Variants in CDH12 observed in about 807,000 individuals in gnomAD.
CDH12 encodes the protein cadherin 12, also known as cadherin-12.
A neutral mutation model predicts 74.1 loss-of-function variants in CDH12; 41 were observed. That is an observed-to-expected ratio of 0.55 (90% confidence interval 0.43 to 0.72). The LOEUF is 0.72. Among genes scored for constraint, CDH12 ranks in the 30% least tolerant of loss-of-function variants. The pLI is 0.00. For synonymous variants in CDH12, 399 were observed against 355.0 expected (o/e 1.12, Z -1.39); for missense variants, 945 against 977.2 (o/e 0.97, Z 0.44).
intron 4 of CDH12, among the ~76,000 whole-genome samples, chr5:22,173,440 C>A (rs1244587895): frequency 1.4e-5 from 2 of 147,636 alleles, no homozygotes; most frequent in African/African-American, 4.9e-5. Context: ...ATAAATATTT[C>A]AAATGCTTTA....
chr5:22,137,060 T>A (rs949543213), intron 4 of CDH12, among the ~76,000 whole-genome samples: 5 of 151,572 alleles, frequency 3.3e-5, no homozygotes, highest in African/African-American at 1.2e-4. Flanking sequence ...AGTGTGAATA[T>A]CTCTCTATGA....
chr5:22,361,016 G>A (rs996284565), intron 3 of CDH12, among the ~76,000 whole-genome samples: 5 of 152,112 alleles, frequency 3.3e-5, no homozygotes, highest in African/African-American at 9.7e-5. Context: ...TTAAAAACTG[G>A]CAAAAGACAG....
chr5:21,767,626 G>A (rs1745100178), intron 11 of CDH12, among the ~76,000 whole-genome samples: 1 of 151,364 alleles, frequency 6.6e-6, no homozygotes, highest in South Asian at 2.1e-4. Context: ...AATGTCACAA[G>A]GCATCATTGT....
intron 4 of CDH12, among the ~76,000 whole-genome samples, chr5:22,131,138 G>A (rs766454423): frequency 6.6e-6 from 1 of 152,054 alleles, no homozygotes; most frequent in African/African-American, 2.4e-5. Flanking sequence ...TAATATTAAA[G>A]CTGCTATGAA....
chr5:22,552,393 A>T (rs180686949), intron 1 of CDH12, among the ~76,000 whole-genome samples: 1 of 151,952 alleles, frequency 6.6e-6, no homozygotes, highest in Admixed American at 6.6e-5. Context: ...CTCCTTCAGG[A>T]GAAAAATGAA....
At chr5:22,048,323 A>G (rs1250773714) in intron 5 of CDH12, among the ~76,000 whole-genome samples, 1 of 152,214 alleles carries the variant, frequency 6.6e-6, no homozygotes, top group Admixed American at 6.5e-5. Flanking sequence ...AGAAATTGAG[A>G]TAGAGTACTG....
chr5:22,546,407 T>C (rs566969417), intron 1 of CDH12, among the ~76,000 whole-genome samples: 2 of 152,154 alleles, frequency 1.3e-5, no homozygotes, highest in Non-Finnish European at 2.9e-5. Flanking sequence ...GTCTGAAAGC[T>C]CTGTAGCATG....
chr5:21,987,922 GA>G (rs201557252), intron 5 of CDH12, among the ~76,000 whole-genome samples: 3,664 of 151,286 alleles, frequency 0.024, 73 homozygotes, highest in Middle Eastern at 0.038. Context: ...ATCAGAAAGG[GA>G]AAAAAAATCT....
intron 5 of CDH12, among the ~76,000 whole-genome samples, chr5:22,041,264 G>C (rs911117016): frequency 6.6e-6 from 1 of 151,934 alleles, no homozygotes; most frequent in Non-Finnish European, 1.5e-5. Flanking sequence ...GGGGAAAAAA[G>C]GATCTACAAA....
At chr5:22,387,933 CACTAAG>C (rs954376665) in intron 3 of CDH12, among the ~76,000 whole-genome samples, 3 of 152,020 alleles carry the variant, frequency 2.0e-5, no homozygotes, top group Admixed American at 1.3e-4. Flanking sequence ...TAGAGATTGT[CACTAAG>C]ACTATCAGGC....
chr5:21,978,721 T>C (rs1757174279), intron 5 of CDH12, among the ~76,000 whole-genome samples: 1 of 152,188 alleles, frequency 6.6e-6, no homozygotes, highest in African/African-American at 2.4e-5. Flanking sequence ...TCTGTATTCC[T>C]TCATAAACTG....
chr5:22,097,544 T>C (rs1743861459), intron 4 of CDH12, among the ~76,000 whole-genome samples: 1 of 152,034 alleles, frequency 6.6e-6, no homozygotes, highest in African/African-American at 2.4e-5. Flanking sequence ...ACTTAGACAA[T>C]ACTCTTTTAA....
Position 22,129,617 on chromosome 5 carries a change from C to CT in CDH12, c.-186-50756dup, listed in dbSNP as rs571023659. ...TTAAGACAAAGATAGCGGGCATGCT[C>CT]TTTCATCTATCTATCCCTGGCCCTT... is the stretch of plus-strand genomic sequence containing the variant. On this transcript the variant is annotated intron_variant, in intron 4 of 14. Transcript: ENST00000382254. Among the ~76,000 whole-genome samples, 283 of 152,238 alleles carry CT rather than the reference C, an allele frequency of 1.9e-3. 4 individuals carry two copies. Among genetic ancestry groups the CT allele is most frequent in the African/African-American group, 6.3e-3 (262 of 41,556 alleles).
At chr5:22,836,733 G>A (rs368123613) in intron 1 of CDH12, among the ~76,000 whole-genome samples, 3 of 152,014 alleles carry the variant, frequency 2.0e-5, no homozygotes, top group African/African-American at 7.2e-5. Flanking sequence ...TAAAATTGCC[G>A]CAATTCCATT....
chr5:22,348,835 C>G (rs1039271024), intron 3 of CDH12, among the ~76,000 whole-genome samples: 13 of 152,134 alleles, frequency 8.5e-5, no homozygotes, highest in Non-Finnish European at 1.5e-5. Flanking sequence ...ATGCCGTGAG[C>G]CTTCCATTCC....
Position 22,555,582 on chromosome 5 carries a change from T to C in CDH12, c.-522-50218A>G, listed in dbSNP as rs1434074806. Among the ~76,000 whole-genome samples, 5 of 152,068 alleles carry C rather than the reference T, an allele frequency of 3.3e-5. No homozygotes were observed. The East Asian group carries it at 7.7e-4, about 23-fold the overall frequency. On this transcript the variant is annotated intron_variant, in intron 1 of 14. Transcript: ENST00000382254. Reference sequence around the variant, plus strand: ...ATTTTTTAGAATCATGGATTTTAAATATAAAATAATTAAGCAAAAGATCTT... The same window carrying C: ...ATTTTTTAGAATCATGGATTTTAAACATAAAATAATTAAGCAAAAGATCTT...
At chr5:22,740,905 C>T (rs957950595) in intron 1 of CDH12, among the ~76,000 whole-genome samples, 11 of 151,992 alleles carry the variant, frequency 7.2e-5, no homozygotes, top group African/African-American at 2.7e-4. Context: ...ATTAAATGAA[C>T]ATTGAGATAT....
chr5:22,698,121 G>GTTTTTTTTT (rs1561585152), intron 1 of CDH12, among the ~76,000 whole-genome samples: 1 of 50,596 alleles, frequency 2.0e-5, no homozygotes, highest in Non-Finnish European at 4.0e-5. Flanking sequence ...TAAAGGCAGG[G>GTTTTTTTTT]CTTTTTTTTT....
chr5:22,125,502 G>A lies in CDH12; in HGVS notation c.-186-46640C>T, dbSNP rs141451655. On this transcript the variant is annotated intron_variant, in intron 4 of 14. Coordinates refer to ENST00000382254, the MANE Select transcript of CDH12 (RefSeq NM_004061.5). ...ATATGTGCCACATTTTCTTTATCCA[G>A]TCTATCATTGATGGGCATTTGGACA... Among the ~76,000 whole-genome samples, 790 of 152,190 alleles carry A rather than the reference G, an allele frequency of 5.2e-3. 6 individuals carry two copies. Among genetic ancestry groups the A allele is most frequent in the African/African-American group, 0.018 (746 of 41,524 alleles).
Sources: allele counts gnomAD v4.1 joint callset (sites outside exome capture counted in the v4.1 genomes callset), GRCh38; gene constraint gnomAD v4.1.1; transcripts MANE v1.5; gene names NCBI Gene and HGNC (gene_info 2026-07-23, HGNC 2026-07-21).